The following MDGA2 variants were observed in gnomAD, a reference collection of about 807,000 sequenced individuals.
The protein encoded by MDGA2 is MAM domain containing glycosylphosphatidylinositol anchor 2, also known as MAM domain-containing glycosylphosphatidylinositol anchor protein 2.
A neutral mutation model predicts 117.8 loss-of-function variants in MDGA2; 40 were observed. The ratio of observed to expected loss-of-function variants is 0.34; its 90% CI spans 0.26 to 0.44. MDGA2 has a LOEUF of 0.44. MDGA2 is among the 20% of genes least tolerant of loss of function. The pLI is 1.00. For missense variants in MDGA2, 1,123 were observed against 1,250.6 expected (o/e 0.90, Z 1.54); for synonymous variants, 452 against 439.0 (o/e 1.03, Z -0.37).
chr14:47,628,053 G>C (rs560471963), intron 1 of MDGA2, among the ~76,000 whole-genome samples: 1 of 152,142 alleles, frequency 6.6e-6, no homozygotes, highest in Non-Finnish European at 1.5e-5. Flanking sequence ...CCATAGTTTT[G>C]GGGTTTTGGT....
At chr14:47,264,294 T>A (rs1409978849) in intron 2 of MDGA2, among the ~76,000 whole-genome samples, 1 of 152,138 alleles carries the variant, frequency 6.6e-6, no homozygotes, top group Non-Finnish European at 1.5e-5. Context: ...CAGTAAAAGA[T>A]AATAAACAAA....
At chr14:47,301,657 G>A (rs1479304782) in intron 1 of MDGA2, 107 bp from the exon 2 acceptor site, 10 of 1,111,314 alleles carry the variant, frequency 9.0e-6, no homozygotes, top group African/African-American at 3.1e-5. Context: ...CTTCACCATA[G>A]TCAGATTAGT....
intron 11 of MDGA2, among the ~76,000 whole-genome samples, chr14:46,878,743 A>C (rs1423033373): frequency 6.6e-6 from 1 of 152,012 alleles, no homozygotes; most frequent in East Asian, 1.9e-4. Context: ...TTTAATTTTA[A>C]AATTAGTAAA....
intron 8 of MDGA2, among the ~76,000 whole-genome samples, chr14:47,017,335 G>A (rs890068459): frequency 1.3e-5 from 2 of 150,296 alleles, no homozygotes; most frequent in African/African-American, 4.9e-5. Flanking sequence ...TTTAAATCTA[G>A]TTTTATTTTT....
Position 47,665,026 on chromosome 14 carries a change from A to G in MDGA2, c.280+9491T>C, listed in dbSNP as rs56078128. Among the ~76,000 whole-genome samples, 1,245 of 152,294 alleles carry G rather than the reference A, an allele frequency of 8.2e-3. 6 individuals are homozygous for G. Among genetic ancestry groups the G allele is most frequent in the Non-Finnish European group, 0.013 (900 of 68,028 alleles). ...ATGACACAGGTTAAAGGACAGATAC[A>G]TCTTTCTAGTTGGGGTAAACTTTAA... is the stretch of plus-strand genomic sequence containing the variant. On this transcript the variant is annotated intron_variant, in intron 1 of 16. Coordinates refer to ENST00000399232, the MANE Select transcript of MDGA2 (RefSeq NM_001113498.3).
chr14:47,226,000 G>C (rs1886481216), intron 2 of MDGA2, among the ~76,000 whole-genome samples: 1 of 151,794 alleles, frequency 6.6e-6, no homozygotes, highest in Non-Finnish European at 1.5e-5. Context: ...ATAGAAAAAG[G>C]GAGCCTGGCC....
rs374860400 is a variant in MDGA2 at position 47,244,671 on chromosome 14, G to T, written c.421-26476C>A. Among the ~76,000 whole-genome samples the T allele has an allele frequency of 3.4e-4, 51 of 151,872 alleles. 1 individual carries two copies. Among genetic ancestry groups the T allele is most frequent in the African/African-American group, 1.2e-3 (49 of 41,496 alleles). On this transcript the variant is annotated intron_variant, in intron 2 of 16. Coordinates refer to ENST00000399232, the MANE Select transcript of MDGA2 (RefSeq NM_001113498.3). The stretch of plus-strand genomic sequence containing the variant: ...TTTATGGCAAACATATTGTTGTCTA[G>T]GTTATAGTACACAGACCAGCTGGTA...
intron 2 of MDGA2, 123 bp from the exon 3 acceptor site, chr14:47,218,318 T>C (rs941588877): frequency 7.2e-6 from 6 of 831,414 alleles, no homozygotes; most frequent in East Asian, 2.8e-5. Flanking sequence ...CATCAAATTA[T>C]TGAAGAAAAA....
At chr14:47,051,331 T>C (rs780164816) in intron 7 of MDGA2, among the ~76,000 whole-genome samples, 2 of 151,930 alleles carry the variant, frequency 1.3e-5, no homozygotes, top group African/African-American at 2.4e-5. Flanking sequence ...GAAACAAATA[T>C]GTGGAGACCT....
chr14:47,490,001 GAATA>G (rs1256937993), intron 1 of MDGA2, among the ~76,000 whole-genome samples: 3 of 151,984 alleles, frequency 2.0e-5, no homozygotes, highest in African/African-American at 7.2e-5. Flanking sequence ...TTCTAACAAA[GAATA>G]AAGAATGACT....
intron 7 of MDGA2, chr14:47,058,718 T>C (rs975022186): frequency 1.0e-6 from 1 of 985,286 alleles, no homozygotes; most frequent in Non-Finnish European, 1.2e-6. Context: ...GTAAGCAAAT[T>C]GGAACATCAA....
chr14:47,640,697 T>C (rs1164053402), intron 1 of MDGA2, among the ~76,000 whole-genome samples: 1 of 152,134 alleles, frequency 6.6e-6, no homozygotes, highest in South Asian at 2.1e-4. Flanking sequence ...CATCCAAGTG[T>C]CAAAAGTTGT....
chr14:47,588,695 ATGT>A (rs1208015329), intron 1 of MDGA2, among the ~76,000 whole-genome samples: 4 of 151,926 alleles, frequency 2.6e-5, no homozygotes, highest in African/African-American at 9.7e-5. Context: ...CACTCGCTTG[ATGT>A]TGTCCTTTGA....
chr14:47,647,758 G>C (rs1391464871), intron 1 of MDGA2, among the ~76,000 whole-genome samples: 4 of 151,998 alleles, frequency 2.6e-5, no homozygotes, highest in African/African-American at 9.7e-5. Context: ...TGTTTTAAAA[G>C]TTTTAGAAGG....
chr14:47,021,056 G>T (rs1299739037), intron 8 of MDGA2, among the ~76,000 whole-genome samples: 3 of 152,038 alleles, frequency 2.0e-5, no homozygotes, highest in Admixed American at 6.6e-5. Context: ...AAGCTGCAAA[G>T]AATATCTACA....
chr14:47,650,321 G>C (rs1480323460), intron 1 of MDGA2, among the ~76,000 whole-genome samples: 1 of 152,148 alleles, frequency 6.6e-6, no homozygotes, highest in African/African-American at 2.4e-5. Flanking sequence ...ATAATCATGT[G>C]AGCCAATTCC....
chr14:47,335,747 T>TATATATATATATATATATATATACAC lies in MDGA2; in HGVS notation c.281-34198_281-34197insGTGTATATATATATATATATATATAT, dbSNP rs1055245438. Among the ~76,000 whole-genome samples, 34 of 68,628 alleles carry TATATATATATATATATATATATACAC rather than the reference T, an allele frequency of 5.0e-4. 1 individual carries two copies. Among genetic ancestry groups the TATATATATATATATATATATATACAC allele is most frequent in the East Asian group, 3.4e-3 (8 of 2,354 alleles). 45.0% of individuals were successfully genotyped at this position (68,628 alleles called of 152,430 possible). A position where few individuals can be genotyped will look rare whatever the true frequency, so the allele number is the denominator to read the frequency against. On this transcript the variant is annotated intron_variant, in intron 1 of 16. Coordinates refer to ENST00000399232, the MANE Select transcript of MDGA2 (RefSeq NM_001113498.3). ...CACACATATATTTTATATATATATA[T>TATATATATATATATATATATATACAC]ACATACATACATACAGGATCACTCT...
chr14:46,875,073 G>A (rs1056096619), intron 12 of MDGA2, among the ~76,000 whole-genome samples: 1 of 151,776 alleles, frequency 6.6e-6, no homozygotes, highest in Non-Finnish European at 1.5e-5. Flanking sequence ...ACAACTCTGT[G>A]AAATCACAAT....
intron 1 of MDGA2, among the ~76,000 whole-genome samples, chr14:47,636,665 GT>G (rs1285567468): frequency 6.6e-6 from 1 of 151,722 alleles, no homozygotes; most frequent in Non-Finnish European, 1.5e-5. Flanking sequence ...GGCGCCTGTA[GT>G]CCCAGCTACT....
Sources: allele counts gnomAD v4.1 joint callset (sites outside exome capture counted in the v4.1 genomes callset), GRCh38; gene constraint gnomAD v4.1.1; transcripts MANE v1.5; gene names NCBI Gene and HGNC (gene_info 2026-07-23, HGNC 2026-07-21).